THSD7A: variants seen among roughly 807,000 people sequenced by gnomAD.
THSD7A encodes the protein thrombospondin type 1 domain containing 7A.
THSD7A carries 96 observed loss-of-function variants against 231.3 expected under a neutral mutation model. The ratio of observed to expected loss-of-function variants is 0.41; its 90% CI spans 0.35 to 0.49. The LOEUF is 0.49. Among genes scored for constraint, THSD7A ranks in the 20% least tolerant of loss-of-function variants. The pLI is 0.05. For missense variants in THSD7A, 2,290 were observed against 2,070.2 expected, an observed-to-expected ratio of 1.11 and a Z score of -2.06; for synonymous variants, 940 against 743.3, an observed-to-expected ratio of 1.26 and a Z score of -4.30.
intron 14 of THSD7A, among the ~76,000 whole-genome samples, chr7:11,427,761 A>C (rs569991261): frequency 1.3e-5 from 2 of 152,214 alleles, no homozygotes; most frequent in East Asian, 3.9e-4. Context: ...TCTGTTTTGC[A>C]GTTATATAAT....
intron 11 of THSD7A, among the ~76,000 whole-genome samples, chr7:11,454,152 T>C (rs1450227914): frequency 6.6e-6 from 1 of 152,018 alleles, no homozygotes; most frequent in Non-Finnish European, 1.5e-5. Context: ...TTCTCTTTTA[T>C]TGACAATTTT....
chr7:11,502,174 G>A (rs1243531268), intron 6 of THSD7A, among the ~76,000 whole-genome samples: 1 of 152,046 alleles, frequency 6.6e-6, no homozygotes, highest in East Asian at 1.9e-4. Flanking sequence ...AAGCCCAGGA[G>A]GACCTAAAAG....
intron 7 of THSD7A, among the ~76,000 whole-genome samples, chr7:11,480,337 C>T (rs565406978): frequency 7.2e-5 from 11 of 152,094 alleles, no homozygotes; most frequent in African/African-American, 1.9e-4. Flanking sequence ...CCATGTGACT[C>T]GGGGTGGGGT....
chr7:11,379,603 T>C, intron 25 of THSD7A, 27 bp downstream of exon 25: 1 of 1,555,462 alleles, frequency 6.4e-7, no homozygotes, highest in Non-Finnish European at 8.7e-7. Flanking sequence ...GGAGCTGGCT[T>C]GTCTGCCCTG....
intron 4 of THSD7A, among the ~76,000 whole-genome samples, chr7:11,558,588 G>T (rs1053940866): frequency 1.3e-5 from 2 of 151,990 alleles, no homozygotes; most frequent in African/African-American, 4.8e-5. Context: ...GACAGAAAAT[G>T]AAAGTATTAC....
At chr7:11,433,509 G>A (rs1347730523) in intron 13 of THSD7A, among the ~76,000 whole-genome samples, 1 of 151,916 alleles carries the variant, frequency 6.6e-6, no homozygotes, top group Non-Finnish European at 1.5e-5. Context: ...AATGAATTAA[G>A]AACCATCCAA....
intron 1 of THSD7A, among the ~76,000 whole-genome samples, chr7:11,792,512 T>C (rs2355090): frequency 0.75 from 113,471 of 151,616 alleles, 42,690 homozygotes; most frequent in Middle Eastern, 0.87. Context: ...TAATCACAGC[T>C]CCACCACACA....
chr7:11,406,224 T>G lies in THSD7A; in HGVS notation c.4237+76A>C. 1 of 1,428,408 alleles carries G rather than the reference T, an allele frequency of 7.0e-7. No homozygotes were observed. The highest frequency in any genetic ancestry group is 9.5e-7 in the Non-Finnish European group (1 of 1,050,366). 88.5% of individuals were successfully genotyped at this position (1,428,408 alleles called of 1,614,324 possible). A position where few individuals can be genotyped will look rare whatever the true frequency, so the allele number is the denominator to read the frequency against. On this transcript the variant is annotated intron_variant, in intron 22 of 27. Transcript: ENST00000423059. The surrounding 1 kb of genome is among the most constrained non-coding windows in gnomAD (Gnocchi z 4.7). ...ACTGTTGACATCCTGTAACTTATAC[T>G]TTATATGCAACCCCTTCACGGCCCT...
intron 1 of THSD7A, among the ~76,000 whole-genome samples, chr7:11,738,901 T>C (rs1213123192): frequency 6.6e-6 from 1 of 152,044 alleles, no homozygotes; most frequent in Non-Finnish European, 1.5e-5. Flanking sequence ...CCTCCAAAGC[T>C]GTAAGATACC....
intron 1 of THSD7A, among the ~76,000 whole-genome samples, chr7:11,718,235 C>G (rs576185825): frequency 1.3e-5 from 2 of 151,650 alleles, no homozygotes; most frequent in South Asian, 2.1e-4. Context: ...AATTTGTATG[C>G]GATCTGAGGA....
At chr7:11,799,427 A>G (rs1391577513) in intron 1 of THSD7A, among the ~76,000 whole-genome samples, 3 of 152,210 alleles carry the variant, frequency 2.0e-5, no homozygotes, top group Non-Finnish European at 2.9e-5. Flanking sequence ...ACTACATCAC[A>G]TTCTAAATCA....
At chr7:11,504,584 C>T (rs1306204984) in intron 6 of THSD7A, among the ~76,000 whole-genome samples, 1 of 152,082 alleles carries the variant, frequency 6.6e-6, no homozygotes, top group East Asian at 1.9e-4. Context: ...GTGGGGTTTT[C>T]CCTGGAGCTA....
chr7:11,644,536 G>C (rs73292646), intron 1 of THSD7A, among the ~76,000 whole-genome samples: 125 of 151,956 alleles, frequency 8.2e-4, no homozygotes, highest in African/African-American at 2.8e-3. Context: ...AATCAGTTTG[G>C]TGGATAAGGA....
intron 24 of THSD7A, among the ~76,000 whole-genome samples, chr7:11,381,668 A>C (rs1038461449): frequency 2.6e-5 from 4 of 152,144 alleles, no homozygotes; most frequent in Non-Finnish European, 4.4e-5. Context: ...CAATTCCTAT[A>C]AGTTAGATTT....
intron 1 of THSD7A, among the ~76,000 whole-genome samples, chr7:11,789,484 A>T (rs531316220): frequency 6.6e-6 from 1 of 152,060 alleles, no homozygotes; most frequent in Admixed American, 6.6e-5. Context: ...TAAGCTGGCA[A>T]CATGTCTTTT....
At chr7:11,468,522 T>C (rs1785800750) in intron 9 of THSD7A, among the ~76,000 whole-genome samples, 1 of 152,168 alleles carries the variant, frequency 6.6e-6, no homozygotes, top group South Asian at 2.1e-4. Context: ...CCAAAAGCTA[T>C]TTAAATGTCT....
At chr7:11,582,949 G>C (rs1041498278) in intron 4 of THSD7A, among the ~76,000 whole-genome samples, 5 of 151,696 alleles carry the variant, frequency 3.3e-5, no homozygotes, top group Non-Finnish European at 7.4e-5. Flanking sequence ...CACTTCTGGA[G>C]CATTTTCTCT....
chr7:11,805,147 C>T (rs1784367210), intron 1 of THSD7A, among the ~76,000 whole-genome samples: 1 of 152,068 alleles, frequency 6.6e-6, no homozygotes, highest in South Asian at 2.1e-4. Flanking sequence ...GTCCATACAT[C>T]CAAACTTCCT....
intron 4 of THSD7A, among the ~76,000 whole-genome samples, chr7:11,584,199 C>T (rs1022685235): frequency 2.0e-5 from 3 of 152,100 alleles, no homozygotes; most frequent in South Asian, 2.1e-4. Flanking sequence ...CTGGTTTGTT[C>T]TGGGGAATCA....
Sources: gnomAD v4.1 joint callset for allele counts (sites outside exome capture counted in the v4.1 genomes callset) on GRCh38, gnomAD v4.1.1 for gene constraint, Gnocchi (gnomAD v3.1) non-coding constraint, MANE v1.5 for transcripts, NCBI Gene and HGNC (gene_info 2026-07-23, HGNC 2026-07-21) for gene names.